GPATCH2: variants seen among roughly 807,000 people sequenced by gnomAD.
The protein encoded by GPATCH2 is G-patch domain containing 2.
GPATCH2 carries 51 observed loss-of-function variants against 58.0 expected under a neutral mutation model. The ratio of observed to expected loss-of-function variants is 0.88; its 90% CI spans 0.70 to 1.11. The LOEUF is 1.11. Among genes scored for constraint, GPATCH2 ranks in the 50% most tolerant of loss-of-function variants. The probability of loss-of-function intolerance (pLI) is 0.00; values close to 1 mark genes in which losing one functional copy is unlikely to be tolerated. For missense variants in GPATCH2, 625 were observed against 652.2 expected, an observed-to-expected ratio of 0.96 and a Z score of 0.45; for synonymous variants, 222 against 218.5, an observed-to-expected ratio of 1.02 and a Z score of -0.14.
At chr1:217,553,297 C>T (rs1050590608) in intron 5 of GPATCH2, among the ~76,000 whole-genome samples, 7 of 151,900 alleles carry the variant, frequency 4.6e-5, no homozygotes, top group African/African-American at 1.2e-4. Flanking sequence ...TCACAAAATA[C>T]GTAATTATAG....
intron 5 of GPATCH2, among the ~76,000 whole-genome samples, chr1:217,558,189 A>G (rs1238568808): frequency 6.6e-6 from 1 of 152,192 alleles, no homozygotes; most frequent in Non-Finnish European, 1.5e-5. Context: ...TGAACAAATC[A>G]TTCACCTCTC....
chr1:217,615,921 T>C (rs1284607564), intron 2 of GPATCH2, among the ~76,000 whole-genome samples: 1 of 152,086 alleles, frequency 6.6e-6, no homozygotes, highest in Non-Finnish European at 1.5e-5. Context: ...TTTACCCCTC[T>C]CTAATCTATT....
intron 7 of GPATCH2, chr1:217,492,659 C>G (rs1339677482): frequency 6.6e-6 from 1 of 152,118 alleles, no homozygotes; most frequent in African/African-American, 2.4e-5. Flanking sequence ...TAACTTTAGG[C>G]AAAGTACTTA....
chr1:217,595,159 G>C (rs567167430), intron 5 of GPATCH2, among the ~76,000 whole-genome samples: 123 of 152,250 alleles, frequency 8.1e-4, no homozygotes, highest in Non-Finnish European at 1.5e-3. Flanking sequence ...GAAGGAACAG[G>C]TCTGATATTA....
chr1:217,524,774 T>C (rs1663744543), intron 5 of GPATCH2, among the ~76,000 whole-genome samples: 1 of 144,816 alleles, frequency 6.9e-6, no homozygotes, highest in South Asian at 2.3e-4. Context: ...GGCAGGAGAA[T>C]CAGGCAGGGA....
At chr1:217,618,309 A>C (rs1332675332) in intron 2 of GPATCH2, among the ~76,000 whole-genome samples, 1 of 150,090 alleles carries the variant, frequency 6.7e-6, no homozygotes, top group Non-Finnish European at 1.5e-5. Flanking sequence ...TCCCAGGTTC[A>C]AGCAATTCTC....
chr1:217,472,807 C>G (rs931461885), intron 8 of GPATCH2, among the ~76,000 whole-genome samples: 1 of 152,018 alleles, frequency 6.6e-6, no homozygotes, highest in African/African-American at 2.4e-5. Context: ...ATTGCAGAAC[C>G]GTTCTCCACG....
At chr1:217,510,524 CA>C in intron 6 of GPATCH2, among the ~76,000 whole-genome samples, 1 of 151,484 alleles carries the variant, frequency 6.6e-6, no homozygotes, top group South Asian at 2.1e-4. Context: ...ACAGTAAACA[CA>C]AAAATAAAAT....
At chr1:217,494,996 G>T in intron 7 of GPATCH2, 1 of 235,820 alleles carries the variant, frequency 4.2e-6, no homozygotes, top group Non-Finnish European at 6.9e-6. Flanking sequence ...TTGTGAATAT[G>T]GTGCGAAGTG....
At chr1:217,614,236 A>T in intron 2 of GPATCH2, 34 bp from the exon 3 acceptor site, 3 of 1,244,476 alleles carry the variant, frequency 2.4e-6, no homozygotes, top group Non-Finnish European at 3.5e-6. Context: ...ACAGATCAAA[A>T]GAACAATTGA....
At chr1:217,580,483 T>TA (rs1333646058) in intron 5 of GPATCH2, among the ~76,000 whole-genome samples, 3 of 152,224 alleles carry the variant, frequency 2.0e-5, no homozygotes, top group African/African-American at 7.2e-5. Flanking sequence ...TTATATTTAC[T>TA]AAAGTATATA....
chr1:217,512,079 G>A (rs1375182994), intron 6 of GPATCH2, among the ~76,000 whole-genome samples: 2 of 152,094 alleles, frequency 1.3e-5, no homozygotes, highest in Admixed American at 6.5e-5. Context: ...AATCCCAGAG[G>A]TGGAAGTGGA....
chr1:217,610,353 T>C lies in GPATCH2; in HGVS notation c.1066A>G (p.Ile356Val), dbSNP rs369527117. 1.7e-5 allele frequency: 28 copies of C among 1,604,540 alleles called. No individual in the cohort carries two copies. The African/African-American group carries it at 2.9e-4, about 17-fold the overall frequency. The stretch of plus-strand genomic sequence containing the variant: ...GTTGGAGTCCCTCCAGATTTTTTAA[T>C]ATTCTTTGAAGACATTCCATGAAGG... ...SRLHGMSSKN[I>V]KKSGGTPTSM... The change falls in exon 5 of 10, where the codon ATT (isoleucine) becomes GTT (valine). Residue 356 changes from isoleucine to valine, a missense_variant. Coordinates refer to ENST00000366935, the MANE Select transcript of GPATCH2 (RefSeq NM_018040.5).
chr1:217,531,307 G>A (rs1050088563), intron 5 of GPATCH2, among the ~76,000 whole-genome samples: 3 of 152,122 alleles, frequency 2.0e-5, no homozygotes, highest in African/African-American at 7.2e-5. Context: ...TTGCCACCAG[G>A]ATCTGGCACA....
At chr1:217,610,271 A>G (rs1426371174) in intron 5 of GPATCH2, 50 bp downstream of exon 5, 1 of 1,473,716 alleles carries the variant, frequency 6.8e-7, no homozygotes, top group Admixed American at 1.7e-5. Flanking sequence ...TATTCCATAG[A>G]AATGGAAACA....
intron 5 of GPATCH2, among the ~76,000 whole-genome samples, chr1:217,581,167 A>G (rs1667065678): frequency 6.6e-6 from 1 of 152,190 alleles, no homozygotes; most frequent in Non-Finnish European, 1.5e-5. Context: ...CACTTGGTGG[A>G]AAGGATTTCT....
chr1:217,469,421 T>G (rs1002935817), intron 8 of GPATCH2, among the ~76,000 whole-genome samples: 2 of 152,078 alleles, frequency 1.3e-5, no homozygotes, highest in African/African-American at 2.4e-5. Flanking sequence ...CACCAATATC[T>G]TGGTATACAA....
intron 5 of GPATCH2, among the ~76,000 whole-genome samples, chr1:217,525,367 C>T (rs1663848878): frequency 6.6e-6 from 1 of 152,132 alleles, no homozygotes; most frequent in Non-Finnish European, 1.5e-5. Flanking sequence ...AATGTAGTTC[C>T]TGCCAAGGAA....
intron 8 of GPATCH2, among the ~76,000 whole-genome samples, chr1:217,486,737 G>C (rs907499266): frequency 6.6e-6 from 1 of 152,206 alleles, no homozygotes; most frequent in Non-Finnish European, 1.5e-5. Context: ...GTGAGCCTTA[G>C]AGTGGAGAGG....
Sources: allele counts gnomAD v4.1 joint callset (sites outside exome capture counted in the v4.1 genomes callset), GRCh38; gene constraint gnomAD v4.1.1; transcripts MANE v1.5; gene names NCBI Gene and HGNC (gene_info 2026-07-23, HGNC 2026-07-21).